The following NRCAM variants were observed in gnomAD, a reference collection of about 807,000 sequenced individuals.
The protein encoded by NRCAM is NgCAM-related cell adhesion molecule.
NRCAM carries 83 observed loss-of-function variants against 156.5 expected under a neutral mutation model. The observed-to-expected ratio is 0.53, with a 90% CI of 0.44 to 0.64. The LOEUF (loss-of-function observed/expected upper bound fraction) is 0.64, where lower values mean the gene tolerates loss of function less well. Ranked by LOEUF, NRCAM falls within the 30% of genes least tolerant of loss-of-function variation. The probability of loss-of-function intolerance (pLI) is 0.00; values close to 1 mark genes in which losing one functional copy is unlikely to be tolerated. For missense variants in NRCAM, 1,417 were observed against 1,597.3 expected (o/e 0.89, Z 1.92); for synonymous variants, 538 against 563.9 (o/e 0.95, Z 0.65).
At chr7:108,455,329 A>AGG (rs1354055069) in intron 1 of NRCAM, among the ~76,000 whole-genome samples, 1 of 152,122 alleles carries the variant, frequency 6.6e-6, no homozygotes, top group African/African-American at 2.4e-5. Context: ...CTCGGCGCAG[A>AGG]TGGCGCTCGC....
chr7:108,313,303 C>A (rs2098829694), intron 2 of NRCAM: 1 of 152,152 alleles, frequency 6.6e-6, no homozygotes, highest in South Asian at 2.1e-4. Context: ...AATAGTCCAG[C>A]TGAGAATTAG....
intron 24 of NRCAM, among the ~76,000 whole-genome samples, chr7:108,180,755 T>G (rs1482919126): frequency 1.3e-5 from 2 of 152,372 alleles, no homozygotes; most frequent in African/African-American, 4.8e-5. Context: ...GTCTTTTACT[T>G]GTATAAAATA....
chr7:108,226,554 A>C (rs529204800), intron 8 of NRCAM, among the ~76,000 whole-genome samples, 176 bp from the exon 9 acceptor site: 1 of 151,754 alleles, frequency 6.6e-6, no homozygotes, highest in African/African-American at 2.4e-5. Context: ...AAAATACGTA[A>C]CACACTAAAA....
chr7:108,310,610 A>G (rs1275804530), intron 3 of NRCAM, among the ~76,000 whole-genome samples: 1 of 152,222 alleles, frequency 6.6e-6, no homozygotes, highest in Non-Finnish European at 1.5e-5. Context: ...TAGCTACGAA[A>G]AAAACTTATT....
intron 3 of NRCAM, among the ~76,000 whole-genome samples, chr7:108,263,016 TGGG>T (rs1563006905): frequency 6.6e-6 from 1 of 152,202 alleles, no homozygotes; most frequent in Admixed American, 6.5e-5. Context: ...AAGCTTGACT[TGGG>T]GGAATGCATA....
At chr7:108,207,443 A>G in intron 13 of NRCAM, 85 bp downstream of exon 13, 1 of 1,409,626 alleles carries the variant, frequency 7.1e-7, no homozygotes, top group African/African-American at 1.4e-5. Flanking sequence ...AACCTGAGTT[A>G]TTTTTTTATC....
chr7:108,218,581 GAAATT>G (rs2090745176), intron 11 of NRCAM, among the ~76,000 whole-genome samples: 1 of 152,098 alleles, frequency 6.6e-6, no homozygotes, highest in South Asian at 2.1e-4. Flanking sequence ...CAAAAACACG[GAAATT>G]AAATAACCTG....
intron 1 of NRCAM, among the ~76,000 whole-genome samples, chr7:108,422,232 T>C (rs1810931514): frequency 6.6e-6 from 1 of 152,212 alleles, no homozygotes; most frequent in Admixed American, 6.5e-5. Context: ...CATGACTTAA[T>C]GTTCTAAGCT....
chr7:108,278,581 T>TCTC (rs35186654), intron 3 of NRCAM, among the ~76,000 whole-genome samples: 6,506 of 152,288 alleles, frequency 0.043, 183 homozygotes, highest in South Asian at 0.11. Flanking sequence ...CAGGAGGTAA[T>TCTC]CTGGTCTGCT....
intron 10 of NRCAM, among the ~76,000 whole-genome samples, chr7:108,225,043 C>T (rs764022001): frequency 9.7e-4 from 148 of 152,192 alleles, no homozygotes; most frequent in Non-Finnish European, 1.4e-3. Context: ...AGAACATTTC[C>T]CTTAAGGGAA....
intron 2 of NRCAM, among the ~76,000 whole-genome samples, chr7:108,366,869 C>T (rs1026311626): frequency 3.3e-5 from 5 of 152,136 alleles, no homozygotes; most frequent in African/African-American, 1.2e-4. Flanking sequence ...AAGGCTTGGG[C>T]GATGCTTAAG....
At chr7:108,373,390 G>C (rs1160195739) in intron 2 of NRCAM, among the ~76,000 whole-genome samples, 1 of 152,084 alleles carries the variant, frequency 6.6e-6, no homozygotes, top group Non-Finnish European at 1.5e-5. Context: ...AATGTGAAAG[G>C]CTGCTTCAAA....
intron 20 of NRCAM, among the ~76,000 whole-genome samples, chr7:108,188,186 T>G (rs1361457851): frequency 1.3e-5 from 2 of 152,180 alleles, no homozygotes; most frequent in African/African-American, 4.8e-5. Context: ...CAGAGTACAG[T>G]CTACACAGGA....
intron 2 of NRCAM, among the ~76,000 whole-genome samples, chr7:108,361,301 G>C (rs1009291717): frequency 6.6e-6 from 1 of 152,202 alleles, no homozygotes; most frequent in Non-Finnish European, 1.5e-5. Flanking sequence ...TACCATATAT[G>C]ATGGTTAATT....
At chr7:108,295,190 A>G (rs964795598) in intron 3 of NRCAM, among the ~76,000 whole-genome samples, 2 of 152,230 alleles carry the variant, frequency 1.3e-5, no homozygotes, top group Non-Finnish European at 2.9e-5. Flanking sequence ...TTTTAAAATG[A>G]CAACTACTCT....
chr7:108,242,208 G>A (rs73199565), intron 3 of NRCAM, among the ~76,000 whole-genome samples: 32,950 of 139,426 alleles, frequency 0.24, 3,980 homozygotes, highest in Non-Finnish European at 0.27. Flanking sequence ...GCCGTGAACC[G>A]AGATTGTGCC....
At chr7:108,372,276 A>G (rs1050315000) in intron 2 of NRCAM, among the ~76,000 whole-genome samples, 1 of 152,128 alleles carries the variant, frequency 6.6e-6, no homozygotes, top group Non-Finnish European at 1.5e-5. Context: ...AACATAAGGG[A>G]AAAGCTGCAT....
At chr7:108,165,662 G>C (rs1415560138) in intron 30 of NRCAM, among the ~76,000 whole-genome samples, 1 of 152,016 alleles carries the variant, frequency 6.6e-6, no homozygotes, top group East Asian at 1.9e-4. Context: ...AAAATGTGTG[G>C]TTTTCTTAAA....
chr7:108,443,977 TAGAG>T (rs371216326), intron 1 of NRCAM, among the ~76,000 whole-genome samples: 3 of 150,696 alleles, frequency 2.0e-5, no homozygotes, highest in East Asian at 1.9e-4. Context: ...GATGATGAGA[TAGAG>T]AGAGAGAGAG....
Sources: allele counts gnomAD v4.1 joint callset (sites outside exome capture counted in the v4.1 genomes callset), GRCh38; gene constraint gnomAD v4.1.1; transcripts MANE v1.5; gene names NCBI Gene and HGNC (gene_info 2026-07-23, HGNC 2026-07-21).